Variants in UCHL1 observed in about 807,000 individuals in gnomAD.
UCHL1 encodes ubiquitin carboxyl-terminal hydrolase isozyme L1.
Under a neutral mutation model 33.3 loss-of-function variants are expected in UCHL1, and 5 were observed. The observed-to-expected ratio is 0.15, with a 90% CI of 0.08 to 0.32. UCHL1 has a LOEUF of 0.32. Ranked by LOEUF, UCHL1 falls within the 10% of genes least tolerant of loss-of-function variation. The pLI is 1.00. For synonymous variants in UCHL1, 132 were observed against 108.8 expected (o/e 1.21, Z -1.33); for missense variants, 236 against 280.0 (o/e 0.84, Z 1.12).
At chr4:41,257,565 C>G in intron 2 of UCHL1, 44 bp from the exon 3 acceptor site, 4 of 1,466,084 alleles carry the variant, frequency 2.7e-6, no homozygotes, top group Non-Finnish European at 2.7e-6. Context: ...TGCCCGCGAC[C>G]CGCGTGTCCC....
chr4:41,257,305 G>A, intron 2 of UCHL1, 179 bp downstream of exon 2: 1 of 1,123,644 alleles, frequency 8.9e-7, no homozygotes, highest in Non-Finnish European at 1.2e-6. Flanking sequence ...GTGACTCTAC[G>A]AAACCGGTCA....
At chr4:41,266,557 G>T (rs1781157542) in intron 8 of UCHL1, among the ~76,000 whole-genome samples, 1 of 152,130 alleles carries the variant, frequency 6.6e-6, no homozygotes, top group South Asian at 2.1e-4. Context: ...GGGAAGACAG[G>T]TCTGGAATAC....
intron 4 of UCHL1, among the ~76,000 whole-genome samples, chr4:41,261,349 C>T (rs1781065608): frequency 6.6e-6 from 1 of 152,082 alleles, no homozygotes. Context: ...ACAAGGCAGC[C>T]CCGGCTTTTA....
chr4:41,257,539 C>G, intron 2 of UCHL1, 70 bp from the exon 3 acceptor site: 1 of 1,417,716 alleles, frequency 7.1e-7, no homozygotes, highest in Non-Finnish European at 9.1e-7. Context: ...GCCTCCTGGC[C>G]CCGCCCCCTG....
intron 2 of UCHL1, 80 bp downstream of exon 2, chr4:41,257,206 G>T (rs1780989863): frequency 6.2e-7 from 1 of 1,607,354 alleles, no homozygotes; most frequent in East Asian, 2.2e-5. Context: ...CCGGCTGCTG[G>T]CAGGGACCAA....
chr4:41,257,492 C>A, intron 2 of UCHL1, 117 bp from the exon 3 acceptor site: 14 of 1,305,488 alleles, frequency 1.1e-5, no homozygotes, highest in Non-Finnish European at 1.4e-5. Context: ...GGGACTGGGG[C>A]TCCTCCCAGG....
intron 2 of UCHL1, 91 bp from the exon 3 acceptor site, chr4:41,257,518 G>A: frequency 7.3e-7 from 1 of 1,364,332 alleles, no homozygotes. Context: ...GTGCGGGCGC[G>A]GAGGGCGCGC....
chr4:41,260,597 G>A, intron 3 of UCHL1, 50 bp from the exon 4 acceptor site: 1 of 1,606,940 alleles, frequency 6.2e-7, no homozygotes, highest in Admixed American at 1.7e-5. Context: ...GCTGCCATCT[G>A]TTCTTTGCAC....
At chr4:41,265,067 AATGT>A (rs1161437945) in intron 8 of UCHL1, among the ~76,000 whole-genome samples, 1 of 152,064 alleles carries the variant, frequency 6.6e-6, no homozygotes, top group Non-Finnish European at 1.5e-5. Flanking sequence ...TCTCTAAATG[AATGT>A]ATGTAGCTGT....
At chr4:41,257,360 G>T in intron 2 of UCHL1, 1 of 921,460 alleles carries the variant, frequency 1.1e-6, no homozygotes, top group South Asian at 1.8e-5. Context: ...CGAGCGCCAG[G>T]CGGAGCTCCC....
chr4:41,261,510 G>T (rs116457265), intron 4 of UCHL1, among the ~76,000 whole-genome samples: 1 of 152,130 alleles, frequency 6.6e-6, no homozygotes, highest in African/African-American at 2.4e-5. Context: ...TTGGGAGAGC[G>T]GAGAGACCTC....
Position 41,261,804 on chromosome 4 carries a change from A to G in UCHL1, c.411+4A>G, listed in dbSNP as rs1211898483. 1 of 1,614,230 alleles carries G rather than the reference A, an allele frequency of 6.2e-7. No homozygotes were observed. Among genetic ancestry groups the G allele is most frequent in the Admixed American group, 1.7e-5 (1 of 60,034 alleles). On this transcript the variant is annotated splice_donor_region_variant and intron_variant, in intron 5 of 8. Transcript: ENST00000284440. Reference sequence around the variant, plus strand: ...AAAATGCTTTGAAAAGAATGAGGTAAGAGAACTTACAGAGCATGGCCTTTA... The same window carrying G: ...AAAATGCTTTGAAAAGAATGAGGTAGGAGAACTTACAGAGCATGGCCTTTA...
At chr4:41,259,897 A>G (rs1254692518) in intron 3 of UCHL1, among the ~76,000 whole-genome samples, 1 of 152,188 alleles carries the variant, frequency 6.6e-6, no homozygotes, top group Non-Finnish European at 1.5e-5. Context: ...TTACTAAATT[A>G]CTATACAGAA....
rs958992248 is a variant in UCHL1, at chr4:41,256,972, C to T, written c.-5C>T. 1.2e-6 allele frequency: 2 copies of T among 1,614,148 alleles called. No individual in the cohort carries two copies. The highest frequency in any genetic ancestry group is 1.1e-5 in the South Asian group (1 of 91,086). On this transcript the variant is annotated 5_prime_UTR_variant, in exon 1 of 9. Coordinates refer to ENST00000284440, the MANE Select transcript of UCHL1 (RefSeq NM_004181.5). Reference sequence around the variant, plus strand: ...TAGGCTATTTCTGCCGGGCGCTCCGCGAAGATGCAGCTCAAGCCGATGGAG... The same window carrying T: ...TAGGCTATTTCTGCCGGGCGCTCCGTGAAGATGCAGCTCAAGCCGATGGAG...
In UCHL1 at chr4:41,256,996, A is replaced by C. The variant is rs397515634; in HGVS notation, c.20A>C (p.Glu7Ala). MQLKPMEINPEMLNKVL... is the reference protein window; with the variant it reads MQLKPMAINPEMLNKVL... ...GCGAAGATGCAGCTCAAGCCGATGG[A>C]GATCAACCCCGAGGTGAGCGCCAGG... The change falls in exon 1 of 9, where the codon GAG becomes GCG. Residue 7 changes from glutamate to alanine, a missense_variant. Coordinates refer to ENST00000284440, the MANE Select transcript of UCHL1 (RefSeq NM_004181.5). The C allele has an allele frequency of 1.2e-6, 2 of 1,614,182 alleles. No individual in the cohort carries two copies. Among genetic ancestry groups the C allele is most frequent in the Non-Finnish European group, 1.7e-6 (2 of 1,180,010 alleles).
chr4:41,257,040 G>A (rs1358830556), intron 1 of UCHL1, 31 bp downstream of exon 1: 1 of 1,614,230 alleles, frequency 6.2e-7, no homozygotes, highest in East Asian at 2.2e-5. Context: ...TACCCGGAGA[G>A]CGCGAGGCCG....
intron 3 of UCHL1, 58 bp downstream of exon 3, chr4:41,257,795 T>C: frequency 6.5e-7 from 1 of 1,527,946 alleles, no homozygotes; most frequent in Non-Finnish European, 8.8e-7. Flanking sequence ...CTCCCCAGCT[T>C]GAGTCCTCGG....
In UCHL1 at chr4:41,257,744, C is replaced by T. The variant is rs1781004279; in HGVS notation, c.174+7C>T. 2.5e-6 allele frequency: 4 copies of T among 1,571,648 alleles called. No homozygotes were observed. The South Asian group carries it at 3.5e-5, about 14-fold the overall frequency. On this transcript the variant is annotated splice_region_variant and intron_variant, in intron 3 of 8. Transcript: ENST00000284440. ...GTTTCCCCTCACGGCCCAGGTAGGG[C>T]GTGGGGCCCAGGATGCGCCGGCCGC...
chr4:41,257,362 G>A, intron 2 of UCHL1: 3 of 918,470 alleles, frequency 3.3e-6, no homozygotes, highest in Non-Finnish European at 4.7e-6. Flanking sequence ...AGCGCCAGGC[G>A]GAGCTCCCGA....
Sources: allele counts gnomAD v4.1 joint callset (sites outside exome capture counted in the v4.1 genomes callset), GRCh38; gene constraint gnomAD v4.1.1; transcripts MANE v1.5; gene names NCBI Gene and HGNC (gene_info 2026-07-23, HGNC 2026-07-21).